STXBP5L: variants seen among roughly 807,000 people sequenced by gnomAD.
STXBP5L encodes the protein syntaxin-binding protein 5-like.
A neutral mutation model predicts 144.5 loss-of-function variants in STXBP5L; 65 were observed. That is an observed-to-expected ratio of 0.45 (90% CI 0.37 to 0.55). The LOEUF (loss-of-function observed/expected upper bound fraction) is 0.55, where lower values mean the gene tolerates loss of function less well. Ranked by LOEUF, STXBP5L falls within the 20% of genes least tolerant of loss-of-function variation. STXBP5L has a pLI of 0.00. For synonymous variants in STXBP5L, 505 were observed against 469.6 expected (o/e 1.08, Z -0.97); for missense variants, 1,298 against 1,405.5 (o/e 0.92, Z 1.22).
At chr3:120,937,864 G>A (rs551646105) in intron 2 of STXBP5L, among the ~76,000 whole-genome samples, 6 of 152,118 alleles carry the variant, frequency 3.9e-5, no homozygotes, top group Admixed American at 6.5e-5. Context: ...GAGTTACTTC[G>A]TAGACTCAAA....
chr3:121,417,676 G>C (rs2108757018), intron 25 of STXBP5L, among the ~76,000 whole-genome samples: 1 of 152,266 alleles, frequency 6.6e-6, no homozygotes, highest in Non-Finnish European at 1.5e-5. Context: ...TGTTGGCCAG[G>C]CTGGTCTGGA....
At chr3:121,135,667 C>T (rs890644407) in intron 7 of STXBP5L, among the ~76,000 whole-genome samples, 32 of 152,136 alleles carry the variant, frequency 2.1e-4, no homozygotes, top group Admixed American at 5.2e-4. Flanking sequence ...GGTGGTAATG[C>T]GAGTGACGGG....
intron 15 of STXBP5L, among the ~76,000 whole-genome samples, chr3:121,254,595 A>G (rs926186097): frequency 6.6e-6 from 1 of 152,198 alleles, no homozygotes; most frequent in African/African-American, 2.4e-5. Context: ...ATTTTTATCA[A>G]TAAATAATGA....
intron 7 of STXBP5L, among the ~76,000 whole-genome samples, chr3:121,126,250 T>C (rs13081610): frequency 2.6e-5 from 4 of 152,218 alleles, no homozygotes; most frequent in Admixed American, 6.5e-5. Flanking sequence ...AAATGTTTTA[T>C]TGAACACAGC....
intron 3 of STXBP5L, among the ~76,000 whole-genome samples, chr3:120,961,420 C>T (rs1938800590): frequency 6.6e-6 from 1 of 152,068 alleles, no homozygotes; most frequent in South Asian, 2.1e-4. Context: ...CTATCCCTCC[C>T]CCAGCCCTCG....
chr3:121,267,678 A>G (rs1477051420), intron 18 of STXBP5L, among the ~76,000 whole-genome samples: 8 of 152,226 alleles, frequency 5.3e-5, no homozygotes, highest in African/African-American at 1.9e-4. Flanking sequence ...AAGGTCTAAT[A>G]TCTAGAATCT....
chr3:121,112,062 C>A (rs540699918), intron 5 of STXBP5L, among the ~76,000 whole-genome samples: 2 of 152,234 alleles, frequency 1.3e-5, no homozygotes, highest in Admixed American at 1.3e-4. Context: ...GAGTCCAAAC[C>A]GCTCAGTCTC....
intron 5 of STXBP5L, among the ~76,000 whole-genome samples, chr3:121,066,183 G>T (rs2041533752): frequency 6.6e-6 from 1 of 152,024 alleles, no homozygotes. Context: ...GTCCTCTATA[G>T]GCCTCCAGTA....
rs190567668 is a variant in STXBP5L at position 121,320,995 on chromosome 3, G to A, written c.2176+2455G>A. On this transcript the variant is annotated intron_variant, in intron 20 of 26. Transcript: ENST00000471454. ...ATTACAGGCGTGAGCCACCGTGCCCGGCCCACACTTTATTTTTAATTTCAA... is the reference window on the plus strand; with the variant it reads ...ATTACAGGCGTGAGCCACCGTGCCCAGCCCACACTTTATTTTTAATTTCAA... Among the ~76,000 whole-genome samples the A allele has an allele frequency of 2.5e-4, 38 of 152,178 alleles. No individual in the cohort carries two copies. The East Asian group carries it at 6.2e-3, about 25-fold the overall frequency.
chr3:121,226,950 G>A (rs933428063), intron 11 of STXBP5L, among the ~76,000 whole-genome samples: 15 of 152,126 alleles, frequency 9.9e-5, no homozygotes, highest in Admixed American at 4.6e-4. Context: ...AACTCTTGAA[G>A]ACAAGCATTT....
chr3:121,230,998 T>C (rs2049289777), intron 11 of STXBP5L, among the ~76,000 whole-genome samples: 1 of 152,204 alleles, frequency 6.6e-6, no homozygotes, highest in Non-Finnish European at 1.5e-5. Context: ...TCCTAGATCA[T>C]AGAGGATCCC....
chr3:121,193,986 T>C lies in STXBP5L; in HGVS notation c.878-11937T>C, dbSNP rs1417333405. 3.4e-5 allele frequency among the ~76,000 whole-genome samples: 5 copies of C among 147,956 alleles called. No homozygotes were observed. The East Asian group carries it at 7.9e-4, about 23-fold the overall frequency. ...TAACATATAATAATAATAATAATAATAATAAAAAGAAATTTTAGATGCTTG... is the reference window on the plus strand; with the variant it reads ...TAACATATAATAATAATAATAATAACAATAAAAAGAAATTTTAGATGCTTG... On this transcript the variant is annotated intron_variant, in intron 9 of 26. Coordinates refer to ENST00000471454, the MANE Select transcript of STXBP5L (RefSeq NM_001308330.2).
Position 121,388,125 on chromosome 3 carries a change from G to A in STXBP5L, c.2587+6593G>A, listed in dbSNP as rs2046475306. Among the ~76,000 whole-genome samples the A allele has an allele frequency of 2.0e-5, 3 of 152,186 alleles. No individual in the cohort carries two copies. In the South Asian group the frequency reaches 6.2e-4, roughly 32 times the overall value. On this transcript the variant is annotated intron_variant, in intron 22 of 26. Coordinates refer to ENST00000471454, the MANE Select transcript of STXBP5L (RefSeq NM_001308330.2). ...CTTGAAGAGGTCCTTCACATCCCTT[G>A]TAAGTTGGATTCCTAGGTATTCTCT...
At chr3:121,255,519 A>G (rs1291759888) in intron 16 of STXBP5L, among the ~76,000 whole-genome samples, 1 of 151,986 alleles carries the variant, frequency 6.6e-6, no homozygotes, top group Admixed American at 6.5e-5. Context: ...ATTCTTCTAT[A>G]TATACTAATA....
chr3:121,097,164 G>A (rs182419442), intron 5 of STXBP5L, among the ~76,000 whole-genome samples: 2 of 152,164 alleles, frequency 1.3e-5, no homozygotes, highest in Non-Finnish European at 2.9e-5. Flanking sequence ...TGCACCAGTG[G>A]TGGATGCCCC....
chr3:121,247,049 C>G (rs2049877094), intron 14 of STXBP5L, among the ~76,000 whole-genome samples: 1 of 152,154 alleles, frequency 6.6e-6, no homozygotes, highest in African/African-American at 2.4e-5. Flanking sequence ...AAACTGTACA[C>G]TCCCAGTGGG....
chr3:121,093,905 A>G (rs2042967323), intron 5 of STXBP5L, among the ~76,000 whole-genome samples: 1 of 151,964 alleles, frequency 6.6e-6, no homozygotes, highest in South Asian at 2.1e-4. Flanking sequence ...TCTTGTGGGC[A>G]TTTAGTGCTA....
At chr3:121,232,751 G>T (rs1202880678) in intron 11 of STXBP5L, among the ~76,000 whole-genome samples, 1 of 152,170 alleles carries the variant, frequency 6.6e-6, no homozygotes, top group Non-Finnish European at 1.5e-5. Flanking sequence ...GAGTGAACTG[G>T]CAAGGAGACA....
chr3:121,033,537 A>C (rs1293723841), intron 3 of STXBP5L, among the ~76,000 whole-genome samples: 1 of 145,444 alleles, frequency 6.9e-6, no homozygotes, highest in African/African-American at 2.6e-5. Context: ...TAACCTGCAC[A>C]ATGTGAACAT....
Sources: gnomAD v4.1 joint callset for allele counts (sites outside exome capture counted in the v4.1 genomes callset) on GRCh38, gnomAD v4.1.1 for gene constraint, MANE v1.5 for transcripts, NCBI Gene and HGNC (gene_info 2026-07-23, HGNC 2026-07-21) for gene names.